ADAMTS6: variants seen among roughly 807,000 people sequenced by gnomAD.
ADAMTS6 encodes the protein ADAM metallopeptidase with thrombospondin type 1 motif 6, also known as A disintegrin and metalloproteinase with thrombospondin motifs 6.
In ADAMTS6, 23 loss-of-function variants were observed where a neutral mutation model predicts 144.3. That is an observed-to-expected ratio of 0.16 (90% CI 0.11 to 0.23). ADAMTS6 has a LOEUF of 0.23. Among genes scored for constraint, ADAMTS6 ranks in the 10% least tolerant of loss-of-function variants. The pLI is 1.00. For missense variants in ADAMTS6, 999 were observed against 1,379.6 expected, an observed-to-expected ratio of 0.72 and a Z score of 4.37; for synonymous variants, 444 against 457.5, an observed-to-expected ratio of 0.97 and a Z score of 0.38.
At chr5:65,236,379 T>C (rs1227906512) in intron 15 of ADAMTS6, among the ~76,000 whole-genome samples, 1 of 152,098 alleles carries the variant, frequency 6.6e-6, no homozygotes, top group East Asian at 1.9e-4. Context: ...CCTCCACTTC[T>C]CGAGCTCAAG....
intron 14 of ADAMTS6, among the ~76,000 whole-genome samples, chr5:65,255,832 C>T (rs985300835): frequency 6.6e-6 from 1 of 151,940 alleles, no homozygotes; most frequent in Non-Finnish European, 1.5e-5. Flanking sequence ...AGTCTCTCTA[C>T]ATTTATTTAT....
chr5:65,454,131 C>A (rs1327715085), intron 4 of ADAMTS6, among the ~76,000 whole-genome samples: 1 of 152,176 alleles, frequency 6.6e-6, no homozygotes. Context: ...CTGTTGTGTG[C>A]ACTCACTTCC....
At chr5:65,406,446 C>T (rs780829571) in intron 7 of ADAMTS6, among the ~76,000 whole-genome samples, 2 of 152,000 alleles carry the variant, frequency 1.3e-5, no homozygotes, top group South Asian at 2.1e-4. Flanking sequence ...TGATGGATTA[C>T]GTTTATTGAT....
At chr5:65,269,276 G>A (rs182246982) in intron 12 of ADAMTS6, among the ~76,000 whole-genome samples, 5 of 152,196 alleles carry the variant, frequency 3.3e-5, no homozygotes, top group African/African-American at 7.2e-5. Flanking sequence ...TTATCTCTAC[G>A]AAATATATAG....
rs571894801 is a variant in ADAMTS6 at position 65,151,765 on chromosome 5, C to G, written c.*71G>C. The G allele has an allele frequency of 2.0e-5, 27 of 1,354,172 alleles. No individual in the cohort carries two copies. Among genetic ancestry groups the G allele is most frequent in the Non-Finnish European group, 2.5e-5 (24 of 952,980 alleles). The allele number at this position is 1,354,172 out of a possible 1,614,324, so 83.9% of individuals were successfully genotyped here. On this transcript the variant is annotated 3_prime_UTR_variant, in exon 25 of 25. Coordinates refer to ENST00000381055, the MANE Select transcript of ADAMTS6 (RefSeq NM_197941.4). ...TTGCAAGGACATCAATCCTCTTCCT[C>G]TGGGTGGCTCTCTTTGATGGATGCA...
intron 21 of ADAMTS6, among the ~76,000 whole-genome samples, chr5:65,188,723 G>A (rs997573222): frequency 2.6e-5 from 4 of 152,136 alleles, no homozygotes; most frequent in Non-Finnish European, 5.9e-5. Context: ...GAGAAGATAT[G>A]CTAATAATAG....
At chr5:65,225,617 C>G (rs1262022792) in intron 16 of ADAMTS6, among the ~76,000 whole-genome samples, 1 of 152,106 alleles carries the variant, frequency 6.6e-6, no homozygotes, top group Non-Finnish European at 1.5e-5. Flanking sequence ...AAGACTAATT[C>G]CACAATGAAA....
At chr5:65,405,518 T>A (rs1754377637) in intron 7 of ADAMTS6, among the ~76,000 whole-genome samples, 1 of 152,210 alleles carries the variant, frequency 6.6e-6, no homozygotes, top group African/African-American at 2.4e-5. Context: ...TCTGTTTTGG[T>A]ACCAGTACCA....
At chr5:65,173,589 A>C (rs981855445) in intron 22 of ADAMTS6, among the ~76,000 whole-genome samples, 2 of 152,196 alleles carry the variant, frequency 1.3e-5, no homozygotes, top group African/African-American at 4.8e-5. Context: ...TTTGTTCGTC[A>C]TACTGAGGGA....
intron 7 of ADAMTS6, among the ~76,000 whole-genome samples, chr5:65,420,675 C>T (rs116574927): frequency 0.02 from 3,025 of 152,144 alleles, 104 homozygotes; most frequent in African/African-American, 0.07. Flanking sequence ...CCACTGCGCC[C>T]GGCCTCTGAA....
chr5:65,471,237 T>C (rs1418975937), intron 2 of ADAMTS6, 95 bp from the exon 3 acceptor site: 1 of 1,268,296 alleles, frequency 7.9e-7, no homozygotes, highest in Non-Finnish European at 1.1e-6. Flanking sequence ...ACAACAACTA[T>C]GTCAATTAAA....
At chr5:65,257,134 C>G (rs1760750878) in intron 14 of ADAMTS6, among the ~76,000 whole-genome samples, 1 of 151,412 alleles carries the variant, frequency 6.6e-6, no homozygotes, top group South Asian at 2.1e-4. Context: ...CTTGCTTTCT[C>G]ATTTATTAAG....
intron 14 of ADAMTS6, among the ~76,000 whole-genome samples, chr5:65,251,945 C>T (rs563916065): frequency 6.6e-6 from 1 of 152,300 alleles, no homozygotes; most frequent in South Asian, 2.1e-4. Context: ...CTCTTCCTAC[C>T]ATTTCTATAC....
At chr5:65,223,634 T>C (rs999762634) in intron 18 of ADAMTS6, among the ~76,000 whole-genome samples, 1 of 152,190 alleles carries the variant, frequency 6.6e-6, no homozygotes, top group Non-Finnish European at 1.5e-5. Flanking sequence ...TGCAAATGAA[T>C]AGTTTCCTTG....
chr5:65,362,261 A>G (rs1031346233), intron 7 of ADAMTS6, among the ~76,000 whole-genome samples: 8 of 152,238 alleles, frequency 5.3e-5, no homozygotes, highest in Non-Finnish European at 1.0e-4. Context: ...GGTGATACCC[A>G]GTCAGTGGTA....
chr5:65,389,299 T>C lies in ADAMTS6; in HGVS notation c.1074-55214A>G, dbSNP rs1273419952. On this transcript the variant is annotated intron_variant, in intron 7 of 24. Coordinates refer to ENST00000381055, the MANE Select transcript of ADAMTS6 (RefSeq NM_197941.4). Reference sequence around the variant, plus strand: ...TAATTATCATACAGTGGTACAGGCATACTAAGCCTCAGAGAAACCTGTGTC... The same window carrying C: ...TAATTATCATACAGTGGTACAGGCACACTAAGCCTCAGAGAAACCTGTGTC... Among the ~76,000 whole-genome samples, 5 of 152,280 alleles carry C rather than the reference T, an allele frequency of 3.3e-5. No individual in the cohort carries two copies. In the South Asian group the frequency reaches 8.3e-4, roughly 25 times the overall value.
At chr5:65,299,145 T>C (rs1053113436) in intron 10 of ADAMTS6, among the ~76,000 whole-genome samples, 5 of 152,148 alleles carry the variant, frequency 3.3e-5, no homozygotes, top group Non-Finnish European at 5.9e-5. Flanking sequence ...AATCTTGATA[T>C]TATTTAAAAT....
intron 10 of ADAMTS6, among the ~76,000 whole-genome samples, chr5:65,295,821 AT>A (rs1742781922): frequency 6.6e-6 from 1 of 152,086 alleles, no homozygotes; most frequent in Admixed American, 6.5e-5. Flanking sequence ...GTATATTTAC[AT>A]TTCTCAAAAT....
At chr5:65,222,032 T>C (rs546253393) in intron 18 of ADAMTS6, among the ~76,000 whole-genome samples, 29 of 152,296 alleles carry the variant, frequency 1.9e-4, no homozygotes, top group African/African-American at 7.0e-4. Context: ...AATTCAGTAT[T>C]TTTAAGATGT....
Sources: gnomAD v4.1 joint callset for allele counts (sites outside exome capture counted in the v4.1 genomes callset) on GRCh38, gnomAD v4.1.1 for gene constraint, MANE v1.5 for transcripts, NCBI Gene and HGNC (gene_info 2026-07-23, HGNC 2026-07-21) for gene names.